The following ACYP2 variants were observed in gnomAD, a reference collection of about 807,000 sequenced individuals.
ACYP2 encodes the protein acylphosphatase 2.
In ACYP2, 12 loss-of-function variants were observed where a neutral mutation model predicts 11.2. That is an observed-to-expected ratio of 1.08 (90% CI 0.69 to 1.74). The LOEUF is 1.74. Among genes scored for constraint, ACYP2 ranks in the 40% most tolerant of loss-of-function variants. The pLI, the probability that ACYP2 is intolerant of heterozygous loss-of-function variation, is 0.00. For missense variants in ACYP2, 134 were observed against 101.9 expected (o/e 1.31, Z -1.35); for synonymous variants, 43 against 32.2 (o/e 1.33, Z -1.13).
intron 6 of ACYP2, among the ~76,000 whole-genome samples, chr2:54,146,690 T>C (rs926163912): frequency 7.2e-5 from 11 of 152,176 alleles, no homozygotes; most frequent in African/African-American, 2.7e-4. Context: ...CTATCTTAAT[T>C]GTTTCTCTTT....
At chr2:53,978,408 A>T (rs1329677204) in intron 2 of ACYP2, among the ~76,000 whole-genome samples, 3 of 152,210 alleles carry the variant, frequency 2.0e-5, no homozygotes, top group Non-Finnish European at 4.4e-5. Context: ...ACCAAGTTAT[A>T]TAGTCATGTA....
At chr2:54,216,259 T>G (rs1685555082) in intron 6 of ACYP2, among the ~76,000 whole-genome samples, 2 of 152,228 alleles carry the variant, frequency 1.3e-5, no homozygotes, top group Non-Finnish European at 2.9e-5. Context: ...ACTGTTTTGA[T>G]TATCGAGGGT....
chr2:54,201,646 C>CTTTCTT (rs1553391381), intron 6 of ACYP2, among the ~76,000 whole-genome samples: 112 of 75,076 alleles, frequency 1.5e-3, no homozygotes, highest in Non-Finnish European at 2.6e-3. Flanking sequence ...CTCTTTCTTT[C>CTTTCTT]TTTCTTTCTT....
chr2:54,189,951 T>C (rs1558599356), intron 6 of ACYP2, among the ~76,000 whole-genome samples: 1 of 152,144 alleles, frequency 6.6e-6, no homozygotes, highest in Non-Finnish European at 1.5e-5. Context: ...TCCCCAATGA[T>C]TAGTGATATT....
chr2:53,988,951 G>T (rs1319021444), intron 2 of ACYP2, among the ~76,000 whole-genome samples: 1 of 151,986 alleles, frequency 6.6e-6, no homozygotes, highest in East Asian at 1.9e-4. Context: ...TTTTTGCCAT[G>T]TTGGCCAGGC....
At chr2:54,029,594 A>G (rs968784337) in intron 2 of ACYP2, 2 of 389,888 alleles carry the variant, frequency 5.1e-6, no homozygotes, top group African/African-American at 2.1e-5. Flanking sequence ...GAATCCAGGT[A>G]ACTTTCTCTT....
At chr2:54,063,326 A>G (rs1470418570) in intron 4 of ACYP2, among the ~76,000 whole-genome samples, 1 of 152,122 alleles carries the variant, frequency 6.6e-6, no homozygotes, top group African/African-American at 2.4e-5. Context: ...ATATAGATAC[A>G]TATAGAGTTA....
At chr2:54,250,294 T>C (rs1687159954) in intron 6 of ACYP2, among the ~76,000 whole-genome samples, 1 of 152,140 alleles carries the variant, frequency 6.6e-6, no homozygotes, top group Non-Finnish European at 1.5e-5. Context: ...GTGGCCAGCA[T>C]GGTGAAACCC....
At chr2:54,045,949 T>C (rs1011325895) in intron 2 of ACYP2, among the ~76,000 whole-genome samples, 3 of 152,016 alleles carry the variant, frequency 2.0e-5, no homozygotes, top group African/African-American at 4.8e-5. Context: ...GGTGGGTAGA[T>C]TGCTTCAGCT....
chr2:54,042,735 T>C (rs1193077543), intron 2 of ACYP2, among the ~76,000 whole-genome samples: 1 of 152,172 alleles, frequency 6.6e-6, no homozygotes, highest in Non-Finnish European at 1.5e-5. Flanking sequence ...GCTTCAAATT[T>C]GTATTCAGCA....
chr2:54,263,551 G>C lies in ACYP2; in HGVS notation c.405-41137G>C, dbSNP rs185337909. Among the ~76,000 whole-genome samples, 161 of 152,264 alleles carry C rather than the reference G, an allele frequency of 1.1e-3. 1 individual carries two copies. The East Asian group carries it at 0.021, about 20-fold the overall frequency. ...AGATGGGAGGATCGCTTGAGCCCAG[G>C]AGTTGGAGCTTCCAGTGAGTTATGA... On this transcript the variant is annotated intron_variant, in intron 6 of 6. Transcript: ENST00000607452.
intron 6 of ACYP2, among the ~76,000 whole-genome samples, chr2:54,267,118 G>A (rs746771936): frequency 9.2e-5 from 14 of 152,118 alleles, no homozygotes; most frequent in Non-Finnish European, 1.5e-4. Context: ...AGGCATTGAT[G>A]CTATCTTTAT....
At position 54,154,949 on chromosome 2, in the gene ACYP2, A is replaced by T. The variant is rs116060214; in HGVS notation, c.404+16201A>T. Among the ~76,000 whole-genome samples, 1,124 of 152,310 alleles carry T rather than the reference A, an allele frequency of 7.4e-3. 6 individuals are homozygous for T. Among genetic ancestry groups the T allele is most frequent in the African/African-American group, 0.026 (1,087 of 41,576 alleles). Reference sequence around the variant, plus strand: ...ATTATTGATTTAGTCTTTTTGAATTACCAATTCAATTATTATTGGTCTGTT... The same window carrying T: ...ATTATTGATTTAGTCTTTTTGAATTTCCAATTCAATTATTATTGGTCTGTT... On this transcript the variant is annotated intron_variant, in intron 6 of 6. Coordinates refer to ENST00000607452, the MANE Select transcript of ACYP2 (RefSeq NM_001320586.2).
At chr2:54,243,742 G>C (rs1015623786) in intron 6 of ACYP2, among the ~76,000 whole-genome samples, 5 of 151,808 alleles carry the variant, frequency 3.3e-5, no homozygotes, top group South Asian at 4.2e-4. Flanking sequence ...GTTAATTTTT[G>C]TATCTTTTTT....
At chr2:54,159,852 C>T (rs1304559210) in intron 6 of ACYP2, among the ~76,000 whole-genome samples, 3 of 152,124 alleles carry the variant, frequency 2.0e-5, no homozygotes, top group African/African-American at 7.2e-5. Context: ...TGCTCTTCCT[C>T]CCTGAGGACT....
chr2:54,067,539 G>T (rs1359531383), intron 4 of ACYP2, among the ~76,000 whole-genome samples: 3 of 152,172 alleles, frequency 2.0e-5, no homozygotes, highest in Admixed American at 2.0e-4. Context: ...TATATTTAGA[G>T]ACAGTGCCTA....
At chr2:54,200,647 A>G (rs1485143638) in intron 6 of ACYP2, among the ~76,000 whole-genome samples, 1 of 152,232 alleles carries the variant, frequency 6.6e-6, no homozygotes, top group East Asian at 1.9e-4. Context: ...TTGTTGATCC[A>G]TTCATCAGTT....
intron 6 of ACYP2, among the ~76,000 whole-genome samples, chr2:54,220,020 T>C (rs958953225): frequency 1.3e-5 from 2 of 150,414 alleles, no homozygotes; most frequent in Admixed American, 1.3e-4. Flanking sequence ...GGATTACAGG[T>C]GCAAGCCACC....
At position 54,125,116 on chromosome 2, in the gene ACYP2, A is replaced by T. The variant is rs564159335; in HGVS notation, c.278-10337A>T. 1.8e-4 allele frequency among the ~76,000 whole-genome samples: 22 copies of T among 122,078 alleles called. No individual in the cohort carries two copies. In the South Asian group the frequency reaches 2.4e-3, roughly 14 times the overall value. The allele number at this position is 122,078 out of a possible 152,430, so 80.1% of individuals were successfully genotyped here. A position where few individuals can be genotyped will look rare whatever the true frequency, so the allele number is the denominator to read the frequency against. ...CAAATTAACATATGCACATGGATTT[A>T]AAAAAAAAAACTCAAAACAGTATAG... is the stretch of plus-strand genomic sequence containing the variant. On this transcript the variant is annotated intron_variant, in intron 4 of 6. Transcript: ENST00000607452.
Sources: allele counts gnomAD v4.1 joint callset (sites outside exome capture counted in the v4.1 genomes callset), GRCh38; gene constraint gnomAD v4.1.1; transcripts MANE v1.5; gene names NCBI Gene and HGNC (gene_info 2026-07-23, HGNC 2026-07-21).